Variants in TMEM178B observed in about 807,000 individuals in gnomAD.
TMEM178B encodes transmembrane protein 178B.
A neutral mutation model predicts 31.0 loss-of-function variants in TMEM178B; 5 were observed. The observed-to-expected ratio is 0.16, with a 90% confidence interval of 0.08 to 0.34. The LOEUF (loss-of-function observed/expected upper bound fraction) is 0.34. Among genes scored for constraint, TMEM178B ranks in the 10% least tolerant of loss-of-function variants. The pLI is 1.00. For synonymous variants in TMEM178B, 164 were observed against 164.0 expected (o/e 1.00, Z 0.00); for missense variants, 275 against 400.3 (o/e 0.69, Z 2.67).
At chr7:141,264,987 A>G (rs1798073307) in intron 2 of TMEM178B, among the ~76,000 whole-genome samples, 1 of 152,312 alleles carries the variant, frequency 6.6e-6, no homozygotes, top group Middle Eastern at 3.4e-3. Context: ...AATATCACTA[A>G]TGGGGGAGAT....
At chr7:141,412,877 T>C (rs1305106443) in intron 2 of TMEM178B, among the ~76,000 whole-genome samples, 2 of 152,200 alleles carry the variant, frequency 1.3e-5, no homozygotes, top group Non-Finnish European at 2.9e-5. Context: ...AGAGCCAATG[T>C]TCGTACCCAG....
chr7:141,193,207 C>T (rs1032860308), intron 1 of TMEM178B, among the ~76,000 whole-genome samples: 1 of 152,196 alleles, frequency 6.6e-6, no homozygotes, highest in African/African-American at 2.4e-5. Flanking sequence ...CCTGAGTTCC[C>T]CTGAGAAGAC....
chr7:141,440,975 G>C (rs904069091), intron 3 of TMEM178B, among the ~76,000 whole-genome samples: 1 of 152,236 alleles, frequency 6.6e-6, no homozygotes, highest in Admixed American at 6.5e-5. Flanking sequence ...AAGCCACTAA[G>C]AGCTGGTCCC....
chr7:141,265,948 C>A (rs1235030585), intron 2 of TMEM178B, among the ~76,000 whole-genome samples: 1 of 152,148 alleles, frequency 6.6e-6, no homozygotes, highest in Admixed American at 6.5e-5. Context: ...CTGGAGCTCA[C>A]CCTCATTCAT....
intron 1 of TMEM178B, among the ~76,000 whole-genome samples, chr7:141,076,112 G>T (rs761766547): frequency 1.3e-5 from 2 of 152,110 alleles, no homozygotes; most frequent in Non-Finnish European, 2.9e-5. Flanking sequence ...TCACAATTGG[G>T]TTCTTATTGG....
chr7:141,350,336 A>T (rs557565097), intron 2 of TMEM178B, among the ~76,000 whole-genome samples: 3 of 152,032 alleles, frequency 2.0e-5, no homozygotes, highest in Non-Finnish European at 4.4e-5. Flanking sequence ...TCTATGGTAT[A>T]TATCACTCCT....
chr7:141,225,863 A>G lies in TMEM178B; in HGVS notation c.496+13159A>G, dbSNP rs566183667. The stretch of plus-strand genomic sequence containing the variant: ...TGAAGTCCAGAAACCCAACCAAGGG[A>G]CATCCAGTGTCCTTGGTGCTGGGAT... On this transcript the variant is annotated intron_variant, in intron 2 of 3. Transcript: ENST00000565468. Among the ~76,000 whole-genome samples the G allele has an allele frequency of 8.5e-4, 129 of 152,258 alleles. 1 individual carries two copies. Among genetic ancestry groups the G allele is most frequent in the Non-Finnish European group, 1.4e-3 (93 of 68,012 alleles).
chr7:141,124,428 T>C (rs1479519573), intron 1 of TMEM178B, among the ~76,000 whole-genome samples: 1 of 152,168 alleles, frequency 6.6e-6, no homozygotes, highest in Admixed American at 6.5e-5. Flanking sequence ...GGACACAGGT[T>C]AGTCTATCTG....
chr7:141,247,545 G>A (rs922434025), intron 2 of TMEM178B, among the ~76,000 whole-genome samples: 1 of 152,144 alleles, frequency 6.6e-6, no homozygotes, highest in African/African-American at 2.4e-5. Context: ...TCTGTCACGT[G>A]GGAAAGGGAT....
intron 1 of TMEM178B, among the ~76,000 whole-genome samples, chr7:141,089,882 A>G (rs1377550900): frequency 6.6e-6 from 1 of 152,042 alleles, no homozygotes; most frequent in African/African-American, 2.4e-5. Context: ...AGGGGGAGGG[A>G]TAGCATTAGG....
At chr7:141,348,526 G>C (rs558043791) in intron 2 of TMEM178B, among the ~76,000 whole-genome samples, 5 of 152,176 alleles carry the variant, frequency 3.3e-5, no homozygotes, top group African/African-American at 1.2e-4. Flanking sequence ...GTAATTTAGG[G>C]GGAGAGCAGT....
At chr7:141,255,469 A>G (rs1182525587) in intron 2 of TMEM178B, among the ~76,000 whole-genome samples, 2 of 152,232 alleles carry the variant, frequency 1.3e-5, no homozygotes, top group African/African-American at 4.8e-5. Flanking sequence ...AAACAATGGA[A>G]CACAACATTG....
chr7:141,232,994 C>T (rs1797471493), intron 2 of TMEM178B, among the ~76,000 whole-genome samples: 1 of 152,158 alleles, frequency 6.6e-6, no homozygotes, highest in African/African-American at 2.4e-5. Context: ...ATGCCACTCC[C>T]TTAGGTGGAA....
intron 2 of TMEM178B, among the ~76,000 whole-genome samples, chr7:141,305,254 AC>A (rs1366206728): frequency 3.9e-5 from 6 of 152,226 alleles, no homozygotes; most frequent in African/African-American, 1.4e-4. Flanking sequence ...TAGTAAAGCA[AC>A]AACCATAATA....
intron 2 of TMEM178B, among the ~76,000 whole-genome samples, chr7:141,253,195 C>T (rs1320086279): frequency 6.6e-6 from 1 of 152,192 alleles, no homozygotes; most frequent in Admixed American, 6.5e-5. Flanking sequence ...TATCTGCTTC[C>T]CCCTTGTTGC....
chr7:141,225,714 C>T (rs1436014131), intron 2 of TMEM178B, among the ~76,000 whole-genome samples: 2 of 152,190 alleles, frequency 1.3e-5, no homozygotes, highest in Non-Finnish European at 2.9e-5. Flanking sequence ...CATTTTTAGA[C>T]TGGATCCCCC....
chr7:141,204,759 C>A (rs545802161), intron 1 of TMEM178B, among the ~76,000 whole-genome samples: 30 of 152,298 alleles, frequency 2.0e-4, no homozygotes, highest in African/African-American at 6.3e-4. Context: ...TTTCACTCAT[C>A]CAAATATAAC....
chr7:141,121,899 T>A (rs532685498), intron 1 of TMEM178B, among the ~76,000 whole-genome samples: 11 of 152,274 alleles, frequency 7.2e-5, no homozygotes, highest in African/African-American at 2.4e-4. Context: ...TCAGCTACTC[T>A]CACCTGTTCT....
intron 2 of TMEM178B, among the ~76,000 whole-genome samples, chr7:141,320,717 T>A (rs2116473094): frequency 6.6e-6 from 1 of 152,344 alleles, no homozygotes; most frequent in East Asian, 1.9e-4. Context: ...TTGCCTTGTA[T>A]TTAATCACCA....
Sources: gnomAD v4.1 joint callset for allele counts (sites outside exome capture counted in the v4.1 genomes callset) on GRCh38, gnomAD v4.1.1 for gene constraint, MANE v1.5 for transcripts, NCBI Gene and HGNC (gene_info 2026-07-23, HGNC 2026-07-21) for gene names.